Variants in XYLT1 observed in about 807,000 individuals in gnomAD.
XYLT1 encodes the protein beta-D-xylosyltransferase 1.
XYLT1 carries 36 observed loss-of-function variants against 91.3 expected under a neutral mutation model. That is an observed-to-expected ratio of 0.39 (90% confidence interval 0.30 to 0.52). The LOEUF (loss-of-function observed/expected upper bound fraction) is 0.52, where lower values mean the gene tolerates loss of function less well. Ranked by LOEUF, XYLT1 falls within the 20% of genes least tolerant of loss-of-function variation. XYLT1 has a pLI of 0.68. For missense variants in XYLT1, 1,242 were observed against 1,284.5 expected, an observed-to-expected ratio of 0.97 and a Z score of 0.51; for synonymous variants, 588 against 532.0, an observed-to-expected ratio of 1.11 and a Z score of -1.45.
intron 6 of XYLT1, among the ~76,000 whole-genome samples, chr16:17,157,547 A>G (rs2031436813): frequency 6.6e-6 from 1 of 152,184 alleles, no homozygotes; most frequent in South Asian, 2.1e-4. Context: ...CTGGATTTTC[A>G]TAGGAAATAC....
At chr16:17,457,019 A>T (rs936395054) in intron 1 of XYLT1, among the ~76,000 whole-genome samples, 1 of 152,176 alleles carries the variant, frequency 6.6e-6, no homozygotes, top group Non-Finnish European at 1.5e-5. Flanking sequence ...TGGGTAACAC[A>T]GACAAGTAAA....
chr16:17,423,461 A>G (rs2036274042), intron 1 of XYLT1, among the ~76,000 whole-genome samples: 1 of 152,090 alleles, frequency 6.6e-6, no homozygotes, highest in African/African-American at 2.4e-5. Flanking sequence ...CTGAATACCA[A>G]TCAGCCTGCG....
chr16:17,389,791 A>T (rs1227869220), intron 1 of XYLT1, among the ~76,000 whole-genome samples: 1 of 152,248 alleles, frequency 6.6e-6, no homozygotes, highest in Non-Finnish European at 1.5e-5. Flanking sequence ...GGAGTTAAAC[A>T]AAATTCTCCA....
intron 1 of XYLT1, among the ~76,000 whole-genome samples, chr16:17,386,789 C>T (rs1200584104): frequency 6.6e-6 from 1 of 152,210 alleles, no homozygotes; most frequent in Non-Finnish European, 1.5e-5. Context: ...ATATGACATG[C>T]ATTACCTCAT....
intron 5 of XYLT1, among the ~76,000 whole-genome samples, chr16:17,175,122 A>G (rs1053025600): frequency 6.6e-6 from 1 of 152,222 alleles, no homozygotes; most frequent in African/African-American, 2.4e-5. Flanking sequence ...CACAATAAAA[A>G]TATGACAGTT....
intron 5 of XYLT1, among the ~76,000 whole-genome samples, chr16:17,171,305 T>C (rs990964349): frequency 5.9e-5 from 9 of 152,194 alleles, no homozygotes; most frequent in African/African-American, 1.9e-4. Context: ...CAAGGTGAGA[T>C]TGAGCTTGAA....
At chr16:17,126,720 G>GT (rs1321113872) in intron 10 of XYLT1, among the ~76,000 whole-genome samples, 1 of 152,212 alleles carries the variant, frequency 6.6e-6, no homozygotes, top group African/African-American at 2.4e-5. Flanking sequence ...ACTTAGGGAT[G>GT]TGAGGAAGGC....
At chr16:17,412,552 G>A (rs1269350362) in intron 1 of XYLT1, among the ~76,000 whole-genome samples, 3 of 131,472 alleles carry the variant, frequency 2.3e-5, no homozygotes, top group Non-Finnish European at 4.8e-5. Context: ...GGTGGGGGGA[G>A]GGGAAATAGT....
At chr16:17,400,618 AG>A (rs2035952176) in intron 1 of XYLT1, among the ~76,000 whole-genome samples, 3 of 113,268 alleles carry the variant, frequency 2.6e-5, no homozygotes, top group Admixed American at 9.0e-5. Context: ...GGAGGGAGGG[AG>A]GGAGGAAGGG....
In XYLT1 at chr16:17,428,777, A is replaced by AT. The variant is rs201032547; in HGVS notation, c.363+41656dup. Among the ~76,000 whole-genome samples, 1,505 of 152,122 alleles carry AT rather than the reference A, an allele frequency of 9.9e-3. 12 individuals carry two copies. The highest frequency in any genetic ancestry group is 0.031 in the Middle Eastern group (9 of 294). ...GTCTCTTTTTTCTTGCTTTCCTTTT[A>AT]TTTTTTGTTTCCAAAAGGTTCCTGA... On this transcript the variant is annotated intron_variant, in intron 1 of 11. Transcript: ENST00000261381.
At chr16:17,276,362 C>G (rs1412244095) in intron 2 of XYLT1, among the ~76,000 whole-genome samples, 1 of 152,190 alleles carries the variant, frequency 6.6e-6, no homozygotes, top group African/African-American at 2.4e-5. Context: ...TTGGCATGGC[C>G]TGCAGGACAT....
At chr16:17,115,887 T>A (rs962881269) in intron 11 of XYLT1, among the ~76,000 whole-genome samples, 4 of 145,642 alleles carry the variant, frequency 2.7e-5, no homozygotes, top group African/African-American at 1.0e-4. Context: ...CAGAAACTTA[T>A]GTGTCCACCA....
At chr16:17,444,509 C>T (rs956093601) in intron 1 of XYLT1, among the ~76,000 whole-genome samples, 2 of 99,248 alleles carry the variant, frequency 2.0e-5, no homozygotes, top group Non-Finnish European at 3.7e-5. Flanking sequence ...CTAACTTCTT[C>T]TTCTTTTTTT....
At chr16:17,213,590 G>C (rs918345135) in intron 3 of XYLT1, among the ~76,000 whole-genome samples, 3 of 152,020 alleles carry the variant, frequency 2.0e-5, no homozygotes, top group Non-Finnish European at 2.9e-5. Flanking sequence ...TAACCCCTGA[G>C]CTTCTATTGT....
intron 2 of XYLT1, chr16:17,338,024 T>C: frequency 2.8e-6 from 1 of 361,366 alleles, no homozygotes; most frequent in Non-Finnish European, 5.5e-6. Context: ...CACCTCGGCC[T>C]CCCAAAGTGC....
rs527453781 is a variant in XYLT1, at chr16:17,219,903, T to C, written c.914-19249A>G. Among the ~76,000 whole-genome samples, 16 of 152,296 alleles carry C rather than the reference T, an allele frequency of 1.1e-4. No homozygotes were observed. The South Asian group carries it at 3.3e-3, about 32-fold the overall frequency. ...AAAATTAGCAGGGCGTGGTGGTGCA[T>C]GCCTGTAGTCCCAGCTACTTGGGAG... On this transcript the variant is annotated intron_variant, in intron 3 of 11. Coordinates refer to ENST00000261381, the MANE Select transcript of XYLT1 (RefSeq NM_022166.4).
At chr16:17,387,022 G>A (rs1298731995) in intron 1 of XYLT1, among the ~76,000 whole-genome samples, 1 of 152,168 alleles carries the variant, frequency 6.6e-6, no homozygotes, top group Non-Finnish European at 1.5e-5. Flanking sequence ...AACAGACTCA[G>A]AGGAGGATGA....
chr16:17,136,231 T>A (rs559757087), intron 8 of XYLT1, among the ~76,000 whole-genome samples: 1 of 152,352 alleles, frequency 6.6e-6, no homozygotes, highest in East Asian at 1.9e-4. Flanking sequence ...CAAAGCGATA[T>A]GTACAGACTC....
chr16:17,329,481 C>T (rs141787492), intron 2 of XYLT1, among the ~76,000 whole-genome samples: 63 of 152,278 alleles, frequency 4.1e-4, no homozygotes, highest in African/African-American at 1.5e-3. Flanking sequence ...TTTATCTATA[C>T]GGGTCTTCAT....
Sources: gnomAD v4.1 joint callset for allele counts (sites outside exome capture counted in the v4.1 genomes callset) on GRCh38, gnomAD v4.1.1 for gene constraint, MANE v1.5 for transcripts, NCBI Gene and HGNC (gene_info 2026-07-23, HGNC 2026-07-21) for gene names.